Variants in FRMPD2 observed in about 807,000 individuals in gnomAD.
FRMPD2 encodes the protein FERM and PDZ domain containing 2, also known as FERM and PDZ domain-containing protein 2.
In FRMPD2, 96 loss-of-function variants were observed where a neutral mutation model predicts 140.1. That is an observed-to-expected ratio of 0.69 (90% CI 0.58 to 0.81). FRMPD2 has a LOEUF of 0.81. FRMPD2 is among the 40% of genes least tolerant of loss of function. FRMPD2 has a pLI of 0.00. For missense variants in FRMPD2, 1,240 were observed against 1,447.4 expected (o/e 0.86, Z 2.32); for synonymous variants, 449 against 547.6 (o/e 0.82, Z 2.52).
At chr10:48,244,018 C>T (rs1376701652) in intron 4 of FRMPD2, among the ~76,000 whole-genome samples, 3 of 152,264 alleles carry the variant, frequency 2.0e-5, no homozygotes, top group Non-Finnish European at 4.4e-5. Flanking sequence ...GCTCTGTTGC[C>T]CAGGCTGGAG....
intron 16 of FRMPD2, among the ~76,000 whole-genome samples, chr10:48,188,257 C>G (rs1283086138): frequency 6.6e-6 from 1 of 152,160 alleles, no homozygotes; most frequent in Admixed American, 6.5e-5. Flanking sequence ...CCCCCTGTAC[C>G]CTTGGAGCTG....
chr10:48,238,935 T>G (rs1370951493), intron 7 of FRMPD2, among the ~76,000 whole-genome samples: 1 of 152,220 alleles, frequency 6.6e-6, no homozygotes, highest in Non-Finnish European at 1.5e-5. Context: ...GTGGAAATGA[T>G]GGAAGACCAG....
intron 20 of FRMPD2, among the ~76,000 whole-genome samples, chr10:48,181,887 T>TACACACACACACAC (rs56127751): frequency 0.15 from 15,969 of 107,816 alleles, 1,813 homozygotes; most frequent in Non-Finnish European, 0.23. Context: ...ATGGCTCTCA[T>TACACACACACACAC]ACACACACAC....
At chr10:48,202,072 A>T (rs1176147738) in intron 14 of FRMPD2, among the ~76,000 whole-genome samples, 1 of 152,164 alleles carries the variant, frequency 6.6e-6, no homozygotes, top group African/African-American at 2.4e-5. Context: ...TAAACTGGTG[A>T]AGATGACCTA....
At chr10:48,237,336 G>A (rs1466433508) in intron 8 of FRMPD2, among the ~76,000 whole-genome samples, 3 of 152,128 alleles carry the variant, frequency 2.0e-5, no homozygotes, top group Non-Finnish European at 2.9e-5. Flanking sequence ...GCCAAAGGAG[G>A]TGGACAAAGC....
At chr10:48,205,504 G>A (rs1839181911) in intron 14 of FRMPD2, among the ~76,000 whole-genome samples, 2 of 152,270 alleles carry the variant, frequency 1.3e-5, no homozygotes, top group South Asian at 4.1e-4. Flanking sequence ...TTGAAATAGT[G>A]CATTGAAAAA....
At chr10:48,248,947 G>A (rs1041259949) in intron 3 of FRMPD2, 74 bp downstream of exon 3, 95 of 1,368,084 alleles carry the variant, frequency 6.9e-5, no homozygotes, top group Non-Finnish European at 8.5e-5. Context: ...GCTGGGAGCT[G>A]GGGAGGCTGC....
chr10:48,253,643 A>G (rs1840433891), intron 1 of FRMPD2, among the ~76,000 whole-genome samples: 1 of 152,226 alleles, frequency 6.6e-6, no homozygotes, highest in African/African-American at 2.4e-5. Flanking sequence ...AGACCTATTC[A>G]CATAAACAAA....
chr10:48,237,734 TCTAGGGTGGGAC>T (rs1840002089), intron 8 of FRMPD2, among the ~76,000 whole-genome samples: 1 of 152,146 alleles, frequency 6.6e-6, no homozygotes, highest in East Asian at 1.9e-4. Context: ...GGTGGCTTCC[TCTAGGGTGGGAC>T]CCAGCATCTT....
At chr10:48,253,633 A>G (rs2131972196) in intron 1 of FRMPD2, among the ~76,000 whole-genome samples, 1 of 152,352 alleles carries the variant, frequency 6.6e-6, no homozygotes, top group African/African-American at 2.4e-5. Flanking sequence ...AGAGAAATTA[A>G]GACCTATTCA....
Position 48,157,134 on chromosome 10 carries a change from G to A in FRMPD2, c.*188C>T, listed in dbSNP as rs1296911914. ...AGCTGAAGTGACATTTACTCCCCGC[G>A]GAAGGACACAGGAGGCAGACGAGTG... On this transcript the variant is annotated 3_prime_UTR_variant, in exon 29 of 29. Coordinates refer to ENST00000374201, the MANE Select transcript of FRMPD2 (RefSeq NM_001018071.4). The A allele has an allele frequency of 1.2e-4, 82 of 679,512 alleles. 1 individual carries two copies. Among genetic ancestry groups the A allele is most frequent in the Non-Finnish European group, 2.1e-4 (78 of 365,690 alleles). The allele number at this position is 679,512 out of a possible 1,614,324, so 42.1% of individuals were successfully genotyped here.
chr10:48,262,031 A>G (rs549082611), intron 1 of FRMPD2, among the ~76,000 whole-genome samples: 1 of 152,324 alleles, frequency 6.6e-6, no homozygotes, highest in South Asian at 2.1e-4. Context: ...AAAACACGGG[A>G]AGATCTTAAA....
At chr10:48,255,249 G>T (rs2131974204) in intron 1 of FRMPD2, among the ~76,000 whole-genome samples, 1 of 152,286 alleles carries the variant, frequency 6.6e-6, no homozygotes, top group Non-Finnish European at 1.5e-5. Context: ...CCATCCAGAA[G>T]CTTCTTTGGG....
At chr10:48,198,081 C>A (rs1177882565) in intron 15 of FRMPD2, among the ~76,000 whole-genome samples, 1 of 152,200 alleles carries the variant, frequency 6.6e-6, no homozygotes, top group Non-Finnish European at 1.5e-5. Context: ...TTCGTAAATG[C>A]TCCATAAATA....
At chr10:48,256,754 C>T (rs1026546275) in intron 1 of FRMPD2, among the ~76,000 whole-genome samples, 10 of 152,168 alleles carry the variant, frequency 6.6e-5, no homozygotes, top group Admixed American at 1.3e-4. Flanking sequence ...CCTCGTGGGT[C>T]AGGGGACCAG....
chr10:48,263,840 G>T (rs762408499), intron 1 of FRMPD2, among the ~76,000 whole-genome samples: 2 of 152,034 alleles, frequency 1.3e-5, no homozygotes, highest in African/African-American at 2.4e-5. Flanking sequence ...TAAAAATCTT[G>T]CAAGAAAGTA....
intron 14 of FRMPD2, among the ~76,000 whole-genome samples, chr10:48,204,921 C>T (rs556417660): frequency 3.3e-5 from 5 of 152,272 alleles, no homozygotes; most frequent in South Asian, 2.1e-4. Flanking sequence ...AACACATCTA[C>T]GAATCATATT....
chr10:48,238,200 G>C, intron 7 of FRMPD2, 77 bp from the exon 8 acceptor site: 1 of 1,469,996 alleles, frequency 6.8e-7, no homozygotes, highest in South Asian at 1.2e-5. Flanking sequence ...ACCCGCACAG[G>C]GGCTCAGTTG....
At chr10:48,182,868 A>C (rs1273779161) in intron 20 of FRMPD2, among the ~76,000 whole-genome samples, 1 of 152,204 alleles carries the variant, frequency 6.6e-6, no homozygotes, top group Non-Finnish European at 1.5e-5. Context: ...TGCTCCTGTC[A>C]GTGGAGGATG....
Sources: allele counts gnomAD v4.1 joint callset (sites outside exome capture counted in the v4.1 genomes callset), GRCh38; gene constraint gnomAD v4.1.1; transcripts MANE v1.5; gene names NCBI Gene and HGNC (gene_info 2026-07-23, HGNC 2026-07-21).